Variants in SASH1 observed in about 807,000 individuals in gnomAD.
SASH1 encodes SAM and SH3 domain-containing protein 1.
A neutral mutation model predicts 125.2 loss-of-function variants in SASH1; 44 were observed. That is an observed-to-expected ratio of 0.35 (90% confidence interval 0.28 to 0.45). The LOEUF is 0.45. Among genes scored for constraint, SASH1 ranks in the 20% least tolerant of loss-of-function variants. SASH1 has a pLI of 1.00. For missense variants in SASH1, 1,426 were observed against 1,614.5 expected, an observed-to-expected ratio of 0.88 and a Z score of 2.00; for synonymous variants, 639 against 649.1, an observed-to-expected ratio of 0.98 and a Z score of 0.24.
chr6:148,220,665 A>T, the SASH1 span, among the ~76,000 whole-genome samples: 1 of 152,220 alleles, frequency 6.6e-6, no homozygotes, highest in Non-Finnish European at 1.5e-5. Flanking sequence ...CTGTAATCCC[A>T]GCACTTTGGG....
intron 1 of SASH1, among the ~76,000 whole-genome samples, chr6:148,325,364 C>T (rs947492819): frequency 6.6e-6 from 1 of 152,132 alleles, no homozygotes; most frequent in South Asian, 2.1e-4. Context: ...GCAACCTCTG[C>T]CTCCCGGGTT....
chr6:148,326,338 ATATATATATATATATATATG>A (rs1780806595), intron 1 of SASH1, among the ~76,000 whole-genome samples: 1 of 74,094 alleles, frequency 1.3e-5, no homozygotes, highest in African/African-American at 5.4e-5. Flanking sequence ...ATATATATAT[ATATATATATATATATATATG>A]CATATATATA....
the SASH1 span, among the ~76,000 whole-genome samples, chr6:148,221,597 G>C: frequency 6.6e-6 from 1 of 152,166 alleles, no homozygotes; most frequent in Non-Finnish European, 1.5e-5. Context: ...ATTTACAGTG[G>C]CTACTTTAAG....
chr6:148,329,739 A>G (rs971258650), intron 1 of SASH1, among the ~76,000 whole-genome samples: 5 of 152,206 alleles, frequency 3.3e-5, no homozygotes, highest in African/African-American at 9.6e-5. Context: ...GCGAGTCCCT[A>G]TGACTTACTA....
the SASH1 span, among the ~76,000 whole-genome samples, chr6:148,264,659 C>T: frequency 6.6e-5 from 10 of 152,170 alleles, no homozygotes; most frequent in African/African-American, 2.2e-4. Context: ...CTACATCAAC[C>T]TTTTTTCTCC....
chr6:148,447,695 T>TCTC lies in SASH1; in HGVS notation c.386+7292_386+7294dup, dbSNP rs879367302. 2.3e-3 allele frequency among the ~76,000 whole-genome samples: 352 copies of TCTC among 150,340 alleles called. 2 individuals carry two copies. Among genetic ancestry groups the TCTC allele is most frequent in the Non-Finnish European group, 4.1e-3 (279 of 67,544 alleles). On this transcript the variant is annotated intron_variant, in intron 4 of 19. Transcript: ENST00000367467. ...TTCTTCCTCCTCTTCTTCTTCCTCT[T>TCTC]CTCCTCTTCCTCCTTCTCCTCCTCC...
chr6:148,467,314 C>G (rs920923956), intron 4 of SASH1, among the ~76,000 whole-genome samples: 2 of 152,028 alleles, frequency 1.3e-5, no homozygotes, highest in African/African-American at 2.4e-5. Context: ...CCAGTCTGGT[C>G]TCAAACTCCT....
intron 4 of SASH1, among the ~76,000 whole-genome samples, chr6:148,446,722 C>CTAAT (rs1776812717): frequency 6.6e-6 from 1 of 152,066 alleles, no homozygotes; most frequent in Non-Finnish European, 1.5e-5. Context: ...TTATTATGTG[C>CTAAT]CAGGAACTGA....
chr6:148,234,947 C>G, the SASH1 span, among the ~76,000 whole-genome samples: 1 of 152,022 alleles, frequency 6.6e-6, no homozygotes, highest in South Asian at 2.1e-4. Flanking sequence ...TAAAATGTAC[C>G]CGTAATGGGT....
intron 8 of SASH1, among the ~76,000 whole-genome samples, chr6:148,488,577 G>A (rs1000226062): frequency 6.6e-6 from 1 of 152,220 alleles, no homozygotes; most frequent in Non-Finnish European, 1.5e-5. Context: ...ACCGCCATAT[G>A]TTTTCTCACA....
chr6:148,226,433 G>A, the SASH1 span, among the ~76,000 whole-genome samples: 1 of 152,018 alleles, frequency 6.6e-6, no homozygotes, highest in East Asian at 1.9e-4. Context: ...ACATTTAATC[G>A]TTCAGTCAGG....
Position 148,487,639 on chromosome 6 carries a change from G to C in SASH1, c.653G>C (p.Arg218Pro). The stretch of plus-strand genomic sequence containing the variant: ...CTCAAGGAATACGAGGCCCAGCACC[G>C]GCAGTCGGCTGCCCTGGACCCTGCT... ...ARLKEYEAQH[R>P]QSAALDPADW... The change falls in exon 8 of 20, where the codon CGG (arginine) becomes CCG (proline). Residue 218 changes from arginine (R) to proline (P), a missense_variant. Arg to Pro is a moderately radical substitution (Grantham distance 103). Around this residue, in one of 3 missense-constraint regions of SASH1, gnomAD observed 567 missense variants for 575.6 expected, o/e 0.99. Transcript: ENST00000367467. 3 of 1,613,318 alleles carry C rather than the reference G, an allele frequency of 1.9e-6. No homozygotes were observed.
chr6:148,512,015 T>TTATTTATTTATCTATC (rs1314768279), intron 8 of SASH1, among the ~76,000 whole-genome samples: 4 of 151,674 alleles, frequency 2.6e-5, no homozygotes, highest in African/African-American at 4.8e-5. Flanking sequence ...ATTTATTTAT[T>TTATTTATTTATCTATC]TATTTATTTA....
chr6:148,513,344 G>T (rs758036415), intron 8 of SASH1: 89 of 985,374 alleles, frequency 9.0e-5, no homozygotes, highest in Non-Finnish European at 1.0e-4. Flanking sequence ...ACTGCACAGG[G>T]TGTGCCGAGG....
At position 148,419,798 on chromosome 6, in the gene SASH1, A is replaced by G. The variant is rs145256529; in HGVS notation, c.286-20386A>G. On this transcript the variant is annotated intron_variant, in intron 2 of 19. Transcript: ENST00000367467. ...TAGTTTGTGTACATGGAGATTTTCT[A>G]TGTAGTAATATGCATAACCTTATAT... 6.0e-3 allele frequency among the ~76,000 whole-genome samples: 915 copies of G among 152,354 alleles called. 5 individuals are homozygous for G. The highest frequency in any genetic ancestry group is 0.01 in the Non-Finnish European group (707 of 68,030).
At chr6:148,546,294 G>T in intron 19 of SASH1, 148 bp downstream of exon 19, 1 of 900,388 alleles carries the variant, frequency 1.1e-6, no homozygotes, top group Non-Finnish European at 1.6e-6. Context: ...GGTCAGCCTA[G>T]AAATGTTTAA....
At position 148,544,661 on chromosome 6, in the gene SASH1, T is replaced by C. The variant is rs1327995310; in HGVS notation, c.3191T>C (p.Leu1064Pro). Residue 1064 changes from leucine (L) to proline (P), a missense_variant, in exon 18 of 20, where the codon CTC (leucine) becomes CCC (proline). Transcript: ENST00000367467. This position sits in a 1 kb window ranked among gnomAD's most constrained non-coding sequence, Gnocchi z 6.4. ...AGGCCGCCCCCCTGGCTCTCAGAGC[T>C]CCCCGAGAACACAAGCCTCCAGGAG... ...STRPPPWLSE[L>P]PENTSLQEHG... 1.9e-6 allele frequency: 3 copies of C among 1,612,792 alleles called. No homozygotes were observed. Among genetic ancestry groups the C allele is most frequent in the East Asian group, 2.2e-5 (1 of 44,816 alleles).
chr6:148,391,574 C>T (rs1783732230), intron 2 of SASH1, among the ~76,000 whole-genome samples: 1 of 152,158 alleles, frequency 6.6e-6, no homozygotes, highest in Non-Finnish European at 1.5e-5. Flanking sequence ...ATAGTCTCCT[C>T]TCACTCAGGT....
chr6:148,294,117 C>T (rs948549882), intron 1 of SASH1, among the ~76,000 whole-genome samples: 4 of 152,200 alleles, frequency 2.6e-5, no homozygotes, highest in Admixed American at 1.3e-4. Context: ...CCCAAAGATG[C>T]CCAAGTGGCA....
Sources: allele counts gnomAD v4.1 joint callset (sites outside exome capture counted in the v4.1 genomes callset), GRCh38; gene constraint gnomAD v4.1.1; regional missense constraint gnomAD v4.1.1; non-coding constraint Gnocchi (gnomAD v3.1); transcripts MANE v1.5; gene names NCBI Gene and HGNC (gene_info 2026-07-23, HGNC 2026-07-21).